The following RNF17 variants were observed in gnomAD, a reference collection of about 807,000 sequenced individuals.
RNF17 encodes the protein spermatogenesis associated 23.
RNF17 carries 31 observed loss-of-function variants against 200.5 expected under a neutral mutation model. That is an observed-to-expected ratio of 0.15 (90% CI 0.12 to 0.21). The LOEUF (loss-of-function observed/expected upper bound fraction) is 0.21. Ranked by LOEUF, RNF17 falls within the 10% of genes least tolerant of loss-of-function variation. The probability of loss-of-function intolerance (pLI) is 1.00; values close to 1 mark genes in which losing one functional copy is unlikely to be tolerated. For synonymous variants in RNF17, 606 were observed against 637.8 expected (o/e 0.95, Z 0.75); for missense variants, 1,628 against 1,905.1 (o/e 0.85, Z 2.71).
intron 15 of RNF17, among the ~76,000 whole-genome samples, chr13:24,812,787 T>C (rs1254244894): frequency 1.3e-5 from 2 of 151,016 alleles, no homozygotes; most frequent in African/African-American, 2.4e-5. Context: ...GTTCACGCCA[T>C]TCTCATGCCT....
chr13:24,771,716 TA>T (rs1880738115), intron 2 of RNF17, among the ~76,000 whole-genome samples: 1 of 151,742 alleles, frequency 6.6e-6, no homozygotes, highest in Non-Finnish European at 1.5e-5. Flanking sequence ...TACGTTTTTT[TA>T]AAGAAGTATA....
At chr13:24,865,089 T>C (rs1893480783) in intron 29 of RNF17, 91 bp downstream of exon 29, 1 of 955,636 alleles carries the variant, frequency 1.0e-6, no homozygotes, top group Non-Finnish European at 1.6e-6. Context: ...TTAAATATGA[T>C]TCTACATATC....
rs1309762520 is a variant in RNF17 at position 24,796,305 on chromosome 13, T to A, written c.1399+10T>A. 1 of 1,558,082 alleles carries A rather than the reference T, an allele frequency of 6.4e-7. No individual in the cohort carries two copies. On this transcript the variant is annotated intron_variant, in intron 11 of 35. Transcript: ENST00000255324. Reference sequence around the variant, plus strand: ...GACATTTTGGAACTAGGTAATGAAATATTAGTCCAAGTTAAAATATCAAAT... The same window carrying A: ...GACATTTTGGAACTAGGTAATGAAAAATTAGTCCAAGTTAAAATATCAAAT...
intron 18 of RNF17, among the ~76,000 whole-genome samples, chr13:24,834,178 G>A (rs560046992): frequency 4.6e-5 from 7 of 152,052 alleles, no homozygotes; most frequent in East Asian, 3.9e-4. Flanking sequence ...GGTCAGAGGC[G>A]GGTGGATCAC....
At chr13:24,861,486 C>A in intron 27 of RNF17, 99 bp downstream of exon 27, 1 of 867,840 alleles carries the variant, frequency 1.2e-6, no homozygotes, top group Non-Finnish European at 1.6e-6. Context: ...ATTTCAGTTG[C>A]AACAAAAAAG....
intron 16 of RNF17, among the ~76,000 whole-genome samples, 159 bp from the exon 17 acceptor site, chr13:24,830,325 G>A (rs73162052): frequency 2.0e-5 from 3 of 151,998 alleles, no homozygotes; most frequent in East Asian, 1.9e-4. Context: ...GGATGATTTC[G>A]GGGTTCACAT....
At chr13:24,789,493 T>C (rs1883570899) in intron 8 of RNF17, 69 bp downstream of exon 8, 1 of 1,147,022 alleles carries the variant, frequency 8.7e-7, no homozygotes, top group African/African-American at 1.5e-5. Flanking sequence ...TGTATTAAAA[T>C]AGCAAGTAAT....
At chr13:24,841,769 G>C (rs1890660497) in intron 18 of RNF17, among the ~76,000 whole-genome samples, 1 of 152,024 alleles carries the variant, frequency 6.6e-6, no homozygotes, top group Non-Finnish European at 1.5e-5. Context: ...GACCAGCCTG[G>C]CCAACATGGT....
chr13:24,778,059 T>A (rs1296267436), intron 3 of RNF17, among the ~76,000 whole-genome samples: 1 of 152,086 alleles, frequency 6.6e-6, no homozygotes, highest in Non-Finnish European at 1.5e-5. Flanking sequence ...CTTAGGATTT[T>A]GAGACCAGCC....
At chr13:24,834,724 A>G (rs1419332725) in intron 18 of RNF17, among the ~76,000 whole-genome samples, 1 of 152,216 alleles carries the variant, frequency 6.6e-6, no homozygotes, top group African/African-American at 2.4e-5. Context: ...GCCTGGTGCC[A>G]CAGGGATTCA....
At chr13:24,876,219 T>C (rs996764420) in intron 33 of RNF17, among the ~76,000 whole-genome samples, 15 of 152,262 alleles carry the variant, frequency 9.9e-5, no homozygotes, top group African/African-American at 2.9e-4. Context: ...ATGGAACTTA[T>C]GTTGAGAAAT....
chr13:24,778,134 T>C (rs1881827795), intron 3 of RNF17, among the ~76,000 whole-genome samples, 161 bp from the exon 4 acceptor site: 2 of 152,134 alleles, frequency 1.3e-5, no homozygotes, highest in South Asian at 4.1e-4. Context: ...TGGTGGCACA[T>C]GCCTATGGTC....
intron 31 of RNF17, among the ~76,000 whole-genome samples, chr13:24,869,573 C>T (rs763487040): frequency 7.9e-5 from 12 of 152,166 alleles, no homozygotes; most frequent in Non-Finnish European, 1.6e-4. Context: ...AAACCACTTT[C>T]GAAAAGACTC....
chr13:24,792,742 G>A (rs1332379372), intron 9 of RNF17, among the ~76,000 whole-genome samples: 1 of 152,182 alleles, frequency 6.6e-6, no homozygotes, highest in Admixed American at 6.6e-5. Flanking sequence ...ACACTGATCT[G>A]TGAAGAAGCT....
At chr13:24,840,527 A>ATG (rs1445660819) in intron 18 of RNF17, among the ~76,000 whole-genome samples, 1 of 148,640 alleles carries the variant, frequency 6.7e-6, no homozygotes, top group African/African-American at 2.5e-5. Flanking sequence ...ATACATATAT[A>ATG]TATGTGTGTG....
intron 15 of RNF17, among the ~76,000 whole-genome samples, chr13:24,821,776 T>C (rs955378871): frequency 6.6e-6 from 1 of 152,234 alleles, no homozygotes; most frequent in African/African-American, 2.4e-5. Context: ...CCTTAACCCT[T>C]TTAACATATT....
Position 24,857,161 on chromosome 13 carries a change from T to C in RNF17, c.3611-1840T>C, listed in dbSNP as rs117940865. Among the ~76,000 whole-genome samples the C allele has an allele frequency of 3.8e-3, 573 of 152,154 alleles. 4 individuals carry two copies. The highest frequency in any genetic ancestry group is 6.0e-3 in the Non-Finnish European group (406 of 67,998). On this transcript the variant is annotated intron_variant, in intron 25 of 35. Transcript: ENST00000255324. ...GAAGTTTGGTAAGAATAAGGGAAAT[T>C]AGGTATATGATGAAGTAGTTGGGTT...
rs1397676977 is a variant in RNF17, at chr13:24,793,364, A to G, written c.1240+18A>G. 6.4e-7 allele frequency: 1 copy of G among 1,562,052 alleles called. No homozygotes were observed. On this transcript the variant is annotated intron_variant, in intron 10 of 35. Transcript: ENST00000255324. ...CGTGGAAAGTAAGTTAAAATGTAAA[A>G]GCAGAGGGGAAAGATCTTGTATCTG...
intron 7 of RNF17, among the ~76,000 whole-genome samples, chr13:24,788,542 A>G (rs1883422502): frequency 6.6e-6 from 1 of 152,146 alleles, no homozygotes; most frequent in Non-Finnish European, 1.5e-5. Context: ...TTTTGTTCAC[A>G]TAAACAATTT....
Sources: allele counts gnomAD v4.1 joint callset (sites outside exome capture counted in the v4.1 genomes callset), GRCh38; gene constraint gnomAD v4.1.1; transcripts MANE v1.5; gene names NCBI Gene and HGNC (gene_info 2026-07-23, HGNC 2026-07-21).